Variants in ZNF101 observed in about 807,000 individuals in gnomAD.
ZNF101 encodes the protein zinc finger protein 101.
ZNF101 carries 34 observed loss-of-function variants against 42.6 expected under a neutral mutation model. The observed-to-expected ratio is 0.80, with a 90% CI of 0.61 to 1.06. The LOEUF (loss-of-function observed/expected upper bound fraction) is 1.06. Among genes scored for constraint, ZNF101 ranks in the 50% least tolerant of loss-of-function variants. ZNF101 has a pLI of 0.00. For missense variants in ZNF101, 466 were observed against 530.9 expected, an observed-to-expected ratio of 0.88 and a Z score of 1.20; for synonymous variants, 158 against 183.9, an observed-to-expected ratio of 0.86 and a Z score of 1.14.
chr19:19,679,491 C>G lies in ZNF101; in HGVS notation c.502C>G (p.Pro168Ala), dbSNP rs763236941. Residue 168 changes from proline to alanine, a missense_variant, in exon 4 of 4, where the codon CCT becomes GCT. Coordinates refer to ENST00000592502, the MANE Select transcript of ZNF101 (RefSeq NM_033204.4). ...RRTVTPTRKR[P>A]YECKVCGKAF... is the part of the protein sequence containing the mutation. ...CACAGTAACACCAACTCGAAAGAGA[C>G]CTTATGAATGCAAGGTGTGCGGGAA... is the stretch of plus-strand genomic sequence containing the variant. The G allele has an allele frequency of 1.2e-6, 2 of 1,614,130 alleles. No homozygotes were observed. The highest frequency in any genetic ancestry group is 1.7e-6 in the Non-Finnish European group (2 of 1,180,028).
intron 2 of ZNF101, among the ~76,000 whole-genome samples, chr19:19,678,402 G>A (rs1197792933): frequency 1.3e-5 from 2 of 151,876 alleles, no homozygotes; most frequent in African/African-American, 4.8e-5. Flanking sequence ...GATCACCTGA[G>A]GTCAAGAGTT....
At chr19:19,676,728 G>A (rs2062205235) in intron 1 of ZNF101, 1 of 151,832 alleles carries the variant, frequency 6.6e-6, no homozygotes, top group Admixed American at 6.6e-5. Context: ...CCGCTTCCTG[G>A]GTTCAAGTGA....
In ZNF101 at chr19:19,668,871, C is replaced by T. The variant is rs758083655; in HGVS notation, c.-93C>T. On this transcript the variant is annotated 5_prime_UTR_variant, in exon 1 of 4. Coordinates refer to ENST00000592502, the MANE Select transcript of ZNF101 (RefSeq NM_033204.4). ...TCCGGGTTTTAGTTCCTCGGGGAGC[C>T]CCTGGTGCCCCGGATACGGCTGATT... 40 of 1,460,694 alleles carry T rather than the reference C, an allele frequency of 2.7e-5. No homozygotes were observed. Among genetic ancestry groups the T allele is most frequent in the Non-Finnish European group, 3.6e-5 (39 of 1,087,150 alleles). 90.5% of individuals were successfully genotyped at this position (1,460,694 alleles called of 1,614,324 possible).
intron 3 of ZNF101, 130 bp downstream of exon 3, chr19:19,678,916 CAAA>C: frequency 1.0e-6 from 1 of 967,412 alleles, no homozygotes; most frequent in Non-Finnish European, 1.5e-6. Flanking sequence ...AGATTGCTAC[CAAA>C]AATCTATCCT....
Position 19,680,065 on chromosome 19 carries a change from C to T in ZNF101, c.1076C>T (p.Thr359Ile). The change falls in exon 4 of 4, where the codon ACT (threonine) becomes ATT (isoleucine). Residue 359 changes from threonine to isoleucine, a missense_variant. Transcript: ENST00000592502. ...AGTTGTTTTCGAAGACATAAAAAAA[C>T]TCATAGTGGAGAAAAGCCATATGAA... ...YPSCFRRHKK[T>I]HSGEKPYECT... is the part of the protein sequence containing the mutation. The T allele has an allele frequency of 6.2e-7, 1 of 1,613,924 alleles. No individual in the cohort carries two copies. Among genetic ancestry groups the T allele is most frequent in the Non-Finnish European group, 8.5e-7 (1 of 1,179,902 alleles).
At position 19,680,123 on chromosome 19, in the gene ZNF101, C is replaced by T. The variant is rs1333925848; in HGVS notation, c.1134C>T (p.Cys378=). ...GGTGTGGTAAAGCCTTTGGGTGGTGCAGTTCCCTCCGAAGACATGAAATGA... is the reference window on the plus strand; with the variant it reads ...GGTGTGGTAAAGCCTTTGGGTGGTGTAGTTCCCTCCGAAGACATGAAATGA... ...CTRCGKAFGW[C]SSLRRHEMTH... The change falls in exon 4 of 4, where the codon TGC becomes TGT. Residue 378 remains cysteine (C), a synonymous_variant. Transcript: ENST00000592502. The T allele has an allele frequency of 6.2e-7, 1 of 1,614,042 alleles. No homozygotes were observed. The highest frequency in any genetic ancestry group is 1.3e-5 in the African/African-American group (1 of 75,050).
In ZNF101 at chr19:19,679,214, A is replaced by T. The variant is rs780921590; in HGVS notation, c.225A>T (p.Glu75Asp). 3.7e-6 allele frequency: 6 copies of T among 1,613,986 alleles called. No homozygotes were observed. The highest frequency in any genetic ancestry group is 5.1e-6 in the Non-Finnish European group (6 of 1,179,846). The change falls in exon 4 of 4, where the codon GAA (glutamate) becomes GAT (aspartate). Residue 75 changes from glutamate (E) to aspartate (D), a missense_variant. By Grantham distance (45) the Glu-to-Asp change is conservative (BLOSUM62 2). Coordinates refer to ENST00000592502, the MANE Select transcript of ZNF101 (RefSeq NM_033204.4). ...SLVERLCGRK[E>D]GNEHRETFSQ... ...TGGAGAGACTCTGTGGACGTAAAGA[A>T]GGGAATGAACACAGAGAAACTTTCA...
At chr19:19,669,160 G>T (rs2145039880) in intron 1 of ZNF101, among the ~76,000 whole-genome samples, 194 bp downstream of exon 1, 1 of 152,306 alleles carries the variant, frequency 6.6e-6, no homozygotes, top group South Asian at 2.1e-4. Context: ...TCCTGTCCCG[G>T]CCCCGGAGCC....
At position 19,678,935 on chromosome 19, in the gene ZNF101, G is replaced by A. The variant is rs1055767362; in HGVS notation, c.191+149G>A. On this transcript the variant is annotated intron_variant, in intron 3 of 3. Coordinates refer to ENST00000592502, the MANE Select transcript of ZNF101 (RefSeq NM_033204.4). ...TGCTACCAAAAATCTATCCTTCAAT[G>A]TAATGTAGATGTTGAGTGTCTGGAC... 4.3e-6 allele frequency: 4 copies of A among 932,856 alleles called. No individual in the cohort carries two copies. The African/African-American group carries it at 5.0e-5, about 12-fold the overall frequency. The allele number at this position is 932,856 out of a possible 1,614,324, so 57.8% of individuals were successfully genotyped here. A position where few individuals can be genotyped will look rare whatever the true frequency, so the allele number is the denominator to read the frequency against.
chr19:19,671,468 C>T lies in ZNF101; in HGVS notation c.3+2502C>T, dbSNP rs144060720. Among the ~76,000 whole-genome samples, 7 of 151,974 alleles carry T rather than the reference C, an allele frequency of 4.6e-5. No homozygotes were observed. The East Asian group carries it at 5.8e-4, about 13-fold the overall frequency. ...CCAGTTATTTCCCAGAGTTGCTGCCCGTAATATTAATACCATCACCTTAGG... is the reference window on the plus strand; with the variant it reads ...CCAGTTATTTCCCAGAGTTGCTGCCTGTAATATTAATACCATCACCTTAGG... On this transcript the variant is annotated intron_variant, in intron 1 of 3. Coordinates refer to ENST00000592502, the MANE Select transcript of ZNF101 (RefSeq NM_033204.4).
rs1400474727 is a variant in ZNF101 at position 19,681,488 on chromosome 19, C to G, written c.*1188C>G. The G allele has an allele frequency of 6.6e-6, 1 of 152,196 alleles. No homozygotes were observed. The highest frequency in any genetic ancestry group is 2.4e-5 in the African/African-American group (1 of 41,442). The allele number at this position is 152,196 out of a possible 1,614,324, so 9.4% of individuals were successfully genotyped here. A position where few individuals can be genotyped will look rare whatever the true frequency, so the allele number is the denominator to read the frequency against. ...CACATGGGCTGTGCACAGTGGCTCT[C>G]CCCTGTAATCCCAGCATTTTGGGAG... On this transcript the variant is annotated 3_prime_UTR_variant, in exon 4 of 4. Coordinates refer to ENST00000592502, the MANE Select transcript of ZNF101 (RefSeq NM_033204.4).
chr19:19,674,302 G>C (rs1055703357), intron 1 of ZNF101, among the ~76,000 whole-genome samples: 1 of 151,914 alleles, frequency 6.6e-6, no homozygotes, highest in East Asian at 1.9e-4. Context: ...TTAGCCTCTC[G>C]AGTAGCTGGG....
Position 19,679,791 on chromosome 19 carries a change from C to T in ZNF101, c.802C>T (p.Leu268Phe), listed in dbSNP as rs868255412. 3.1e-6 allele frequency: 5 copies of T among 1,613,206 alleles called. No homozygotes were observed. In the African/African-American group the frequency reaches 6.7e-5, roughly 22 times the overall value. The change falls in exon 4 of 4, where the codon CTT becomes TTT. Residue 268 changes from leucine (L) to phenylalanine (F), a missense_variant. Coordinates refer to ENST00000592502, the MANE Select transcript of ZNF101 (RefSeq NM_033204.4). ...TAAAGCCTTCATTTCCGCAGGTTAC[C>T]TTCGGACACATGAAATCAGATCTCA... The part of the protein sequence containing the change: ...CGKAFISAGY[L>F]RTHEIRSHAL...
chr19:19,674,071 TG>T (rs1437877284), intron 1 of ZNF101, among the ~76,000 whole-genome samples: 1 of 151,934 alleles, frequency 6.6e-6, no homozygotes, highest in Non-Finnish European at 1.5e-5. Context: ...GGATTACAGA[TG>T]TGAGTCACCG....
In ZNF101 at chr19:19,668,851, GT is replaced by G; in HGVS notation, c.-109del. The G allele has an allele frequency of 2.2e-6, 3 of 1,394,522 alleles. No homozygotes were observed. The highest frequency in any genetic ancestry group is 1.9e-6 in the Non-Finnish European group (2 of 1,043,822). The allele number at this position is 1,394,522 out of a possible 1,614,324, so 86.4% of individuals were successfully genotyped here. A position where few individuals can be genotyped will look rare whatever the true frequency, so the allele number is the denominator to read the frequency against. On this transcript the variant is annotated 5_prime_UTR_variant, in exon 1 of 4. Coordinates refer to ENST00000592502, the MANE Select transcript of ZNF101 (RefSeq NM_033204.4). ...CCGCCGGCCCCCCATTCGGGTCCGG[GT>G]TTTAGTTCCTCGGGGAGCCCCTGGT...
intron 1 of ZNF101, among the ~76,000 whole-genome samples, chr19:19,674,076 G>A (rs2062187841): frequency 6.6e-6 from 1 of 152,086 alleles, no homozygotes; most frequent in Non-Finnish European, 1.5e-5. Flanking sequence ...ACAGATGTGA[G>A]TCACCGCGCC....
chr19:19,674,710 T>G (rs1259034973), intron 1 of ZNF101, among the ~76,000 whole-genome samples: 1 of 152,212 alleles, frequency 6.6e-6, no homozygotes, highest in Non-Finnish European at 1.5e-5. Context: ...CTCTTCAGTT[T>G]TGGAAGAGTT....
At chr19:19,669,350 G>A (rs911535286) in intron 1 of ZNF101, among the ~76,000 whole-genome samples, 1 of 152,186 alleles carries the variant, frequency 6.6e-6, no homozygotes, top group Non-Finnish European at 1.5e-5. Context: ...GTCTTCCAAA[G>A]GTGTGGGAAG....
intron 2 of ZNF101, 55 bp from the exon 3 acceptor site, chr19:19,678,671 G>A: frequency 1.4e-6 from 2 of 1,468,846 alleles, no homozygotes; most frequent in East Asian, 2.4e-5. Context: ...AGAACCTAGT[G>A]ATTTTTCTGT....
Sources: gnomAD v4.1 joint callset for allele counts (sites outside exome capture counted in the v4.1 genomes callset) on GRCh38, gnomAD v4.1.1 for gene constraint, MANE v1.5 for transcripts, NCBI Gene and HGNC (gene_info 2026-07-23, HGNC 2026-07-21) for gene names.